Variants in SEL1L2 observed in about 807,000 individuals in gnomAD.
The protein encoded by SEL1L2 is protein sel-1 homolog 2.
In SEL1L2, 89 loss-of-function variants were observed where a neutral mutation model predicts 98.8. That is an observed-to-expected ratio of 0.90 (90% CI 0.76 to 1.07). The LOEUF (loss-of-function observed/expected upper bound fraction) is 1.07, where lower values mean the gene tolerates loss of function less well. Among genes scored for constraint, SEL1L2 ranks in the 50% least tolerant of loss-of-function variants. SEL1L2 has a pLI of 0.00. For synonymous variants in SEL1L2, 262 were observed against 278.5 expected (o/e 0.94, Z 0.59); for missense variants, 788 against 812.0 (o/e 0.97, Z 0.36).
intron 1 of SEL1L2, among the ~76,000 whole-genome samples, chr20:13,989,303 C>CT (rs987882866): frequency 5.9e-5 from 9 of 151,458 alleles, no homozygotes; most frequent in Admixed American, 2.6e-4. Context: ...AGAAATAGAA[C>CT]TTTTTTTTTG....
At chr20:13,865,047 T>C in intron 17 of SEL1L2, 120 bp downstream of exon 17, 1 of 719,650 alleles carries the variant, frequency 1.4e-6, no homozygotes. Context: ...GTTTGAAATG[T>C]CACCTACTTG....
At position 13,981,477 on chromosome 20, in the gene SEL1L2, T is replaced by C. The variant is rs905227391; in HGVS notation, c.58+9000A>G. Among the ~76,000 whole-genome samples, 15 of 152,230 alleles carry C rather than the reference T, an allele frequency of 9.9e-5. 1 individual carries two copies. The highest frequency in any genetic ancestry group is 2.1e-4 in the Non-Finnish European group (14 of 68,042). ...TTCTCACCACAAAAAATGGTACTTA[T>C]ATGAAGGGATGGATATGTTAATTAG... is the stretch of plus-strand genomic sequence containing the variant. On this transcript the variant is annotated intron_variant, in intron 1 of 19. Transcript: ENST00000284951.
At chr20:13,946,312 A>C (rs764490606) in intron 2 of SEL1L2, among the ~76,000 whole-genome samples, 4 of 152,218 alleles carry the variant, frequency 2.6e-5, no homozygotes, top group Admixed American at 6.5e-5. Flanking sequence ...ATACAAAATC[A>C]ATACAAAATA....
chr20:13,952,801 C>A (rs542898658), intron 2 of SEL1L2, among the ~76,000 whole-genome samples: 5 of 152,238 alleles, frequency 3.3e-5, no homozygotes, highest in Admixed American at 3.3e-4. Flanking sequence ...GAGGCCAAGG[C>A]GGGCAGATCA....
intron 1 of SEL1L2, among the ~76,000 whole-genome samples, chr20:13,968,760 C>T (rs2051157933): frequency 6.6e-6 from 1 of 152,200 alleles, no homozygotes; most frequent in African/African-American, 2.4e-5. Flanking sequence ...AATGAGAAAA[C>T]ATTCCCTGGA....
intron 4 of SEL1L2, among the ~76,000 whole-genome samples, chr20:13,918,223 A>G (rs1011101980): frequency 2.0e-5 from 3 of 152,194 alleles, no homozygotes; most frequent in South Asian, 2.1e-4. Flanking sequence ...GTCAGGCACT[A>G]TTGTAAGAGC....
At chr20:13,980,931 G>C (rs1489079545) in intron 1 of SEL1L2, among the ~76,000 whole-genome samples, 1 of 152,180 alleles carries the variant, frequency 6.6e-6, no homozygotes, top group Non-Finnish European at 1.5e-5. Flanking sequence ...GGAATCTAAA[G>C]AGTTGAAACT....
At chr20:13,865,606 A>T in intron 15 of SEL1L2, 92 bp from the exon 16 acceptor site, 1 of 1,147,742 alleles carries the variant, frequency 8.7e-7, no homozygotes, top group Admixed American at 2.3e-5. Context: ...AGCTCCTACC[A>T]GCTGGTCAGG....
chr20:13,888,028 A>C (rs372603682), intron 6 of SEL1L2, 27 bp from the exon 7 acceptor site: 6 of 1,594,266 alleles, frequency 3.8e-6, no homozygotes, highest in East Asian at 2.2e-5. Flanking sequence ...CAAACAAAAA[A>C]CCCCCCAAAC....
At chr20:13,983,382 A>T (rs6079246) in intron 1 of SEL1L2, among the ~76,000 whole-genome samples, 17,312 of 152,172 alleles carry the variant, frequency 0.11, 1,167 homozygotes, top group Admixed American at 0.18. Context: ...TATCTGAATG[A>T]AAAAGGGCAG....
Position 13,990,482 on chromosome 20 carries a change from A to T in SEL1L2, c.53T>A (p.Ile18Asn). ...CTAAGGACAAAAAAACTTACTTTTA[A>T]TTGTGACCCCAAGAATTATCAATAT... Reference protein sequence around the residue: ...IEILIILGVTIKTIKAEEHNK... With the variant: ...IEILIILGVTNKTIKAEEHNK... The change falls in exon 1 of 20, where the codon ATT becomes AAT. Residue 18 changes from isoleucine (I) to asparagine (N), a missense_variant. By Grantham distance (149) the Ile-to-Asn change is moderately radical (BLOSUM62 -3). Transcript: ENST00000284951. 6.2e-7 allele frequency: 1 copy of T among 1,610,796 alleles called. No homozygotes were observed. Among genetic ancestry groups the T allele is most frequent in the Non-Finnish European group, 8.5e-7 (1 of 1,177,338 alleles).
In SEL1L2 at chr20:13,988,837, A is replaced by G. The variant is rs1420040546; in HGVS notation, c.58+1640T>C. On this transcript the variant is annotated intron_variant, in intron 1 of 19. Coordinates refer to ENST00000284951, the MANE Select transcript of SEL1L2 (RefSeq NM_025229.2). ...AGACCAGCCTGGCCAACATGATAAA[A>G]CCCCGTCTCTACTAAAAATACAAAA... Among the ~76,000 whole-genome samples the G allele has an allele frequency of 4.6e-5, 7 of 151,970 alleles. No homozygotes were observed. The East Asian group carries it at 1.4e-3, about 29-fold the overall frequency.
At chr20:13,859,572 A>G (rs1989751135) in intron 17 of SEL1L2, 138 bp from the exon 18 acceptor site, 2 of 667,242 alleles carry the variant, frequency 3.0e-6, no homozygotes, top group East Asian at 2.7e-5. Flanking sequence ...GGAACCAAAA[A>G]CACTCAGAAC....
At chr20:13,968,399 G>T (rs773159130) in intron 1 of SEL1L2, among the ~76,000 whole-genome samples, 1 of 152,178 alleles carries the variant, frequency 6.6e-6, no homozygotes, top group Non-Finnish European at 1.5e-5. Flanking sequence ...AGTGCCTAGC[G>T]CATAGCAAGT....
chr20:13,980,277 G>A (rs1242583872), intron 1 of SEL1L2, among the ~76,000 whole-genome samples: 3 of 152,186 alleles, frequency 2.0e-5, no homozygotes, highest in African/African-American at 7.2e-5. Flanking sequence ...GTGCAGTGGC[G>A]TGATCTCAGC....
intron 1 of SEL1L2, among the ~76,000 whole-genome samples, chr20:13,960,431 A>G (rs2050727883): frequency 6.6e-6 from 1 of 152,226 alleles, no homozygotes; most frequent in Non-Finnish European, 1.5e-5. Context: ...ATATAACTGA[A>G]GGAATTAACT....
intron 1 of SEL1L2, among the ~76,000 whole-genome samples, chr20:13,967,678 C>T (rs1569059155): frequency 1.3e-5 from 2 of 152,206 alleles, no homozygotes; most frequent in African/African-American, 4.8e-5. Context: ...CTGCCACTCA[C>T]CTAAGCTCTT....
Position 13,867,362 on chromosome 20 carries a change from A to G in SEL1L2, c.1256-512T>C, listed in dbSNP as rs142605805. ...CTTGAAGCTAGAGCAGAGAACCAGC[A>G]GACTCCCAGCAGCCAAGATTCTTGT... On this transcript the variant is annotated intron_variant, in intron 14 of 19. Transcript: ENST00000284951. Among the ~76,000 whole-genome samples the G allele has an allele frequency of 4.3e-3, 656 of 152,366 alleles. 3 individuals are homozygous for G. Among genetic ancestry groups the G allele is most frequent in the African/African-American group, 0.015 (614 of 41,586 alleles).
At chr20:13,910,907 A>G (rs1458911122) in intron 5 of SEL1L2, among the ~76,000 whole-genome samples, 2 of 152,258 alleles carry the variant, frequency 1.3e-5, no homozygotes, top group African/African-American at 2.4e-5. Flanking sequence ...CGTTAACTAG[A>G]GTGAAACTCC....
Sources: allele counts gnomAD v4.1 joint callset (sites outside exome capture counted in the v4.1 genomes callset), GRCh38; gene constraint gnomAD v4.1.1; transcripts MANE v1.5; gene names NCBI Gene and HGNC (gene_info 2026-07-23, HGNC 2026-07-21).